Variants in CDH13 observed in about 807,000 individuals in gnomAD.
The protein encoded by CDH13 is cadherin-13.
Under a neutral mutation model 63.8 loss-of-function variants are expected in CDH13, and 24 were observed. That is an observed-to-expected ratio of 0.38 (90% CI 0.27 to 0.53). The LOEUF (loss-of-function observed/expected upper bound fraction) is 0.53, where lower values mean the gene tolerates loss of function less well. Among genes scored for constraint, CDH13 ranks in the 20% least tolerant of loss-of-function variants. The probability of loss-of-function intolerance (pLI) is 0.85; values close to 1 mark genes in which losing one functional copy is unlikely to be tolerated. For missense variants in CDH13, 1,049 were observed against 903.1 expected (o/e 1.16, Z -2.07); for synonymous variants, 503 against 355.3 (o/e 1.42, Z -4.67).
intron 6 of CDH13, among the ~76,000 whole-genome samples, chr16:83,445,528 C>G (rs1320279118): frequency 6.6e-6 from 1 of 152,130 alleles, no homozygotes; most frequent in Non-Finnish European, 1.5e-5. Flanking sequence ...GGACCGATAG[C>G]CTCCCACAGC....
intron 10 of CDH13, among the ~76,000 whole-genome samples, chr16:83,727,095 A>C (rs1157500633): frequency 6.6e-6 from 1 of 152,136 alleles, no homozygotes; most frequent in Non-Finnish European, 1.5e-5. Flanking sequence ...GTAGTCACAG[A>C]GTTGTGCAAC....
chr16:83,135,854 A>T (rs1005516601), intron 4 of CDH13, among the ~76,000 whole-genome samples: 1 of 152,230 alleles, frequency 6.6e-6, no homozygotes, highest in Non-Finnish European at 1.5e-5. Context: ...CAAAGGAATG[A>T]ATTAATGGCA....
At chr16:83,296,617 T>C (rs1480547267) in intron 5 of CDH13, among the ~76,000 whole-genome samples, 2 of 152,062 alleles carry the variant, frequency 1.3e-5, no homozygotes, top group East Asian at 3.8e-4. Flanking sequence ...AGTTAATTAG[T>C]ACAACACAAG....
chr16:83,520,877 C>G (rs1370620104), intron 7 of CDH13, among the ~76,000 whole-genome samples: 3 of 152,146 alleles, frequency 2.0e-5, no homozygotes, highest in African/African-American at 7.2e-5. Context: ...AAATCTTCAT[C>G]CAAGTTTTAT....
At chr16:82,633,479 A>C (rs1451391920) in intron 1 of CDH13, among the ~76,000 whole-genome samples, 1 of 152,194 alleles carries the variant, frequency 6.6e-6, no homozygotes, top group Non-Finnish European at 1.5e-5. Context: ...TCCAGGGTTT[A>C]AGCAATTCTG....
At chr16:83,237,912 T>G (rs967909943) in intron 5 of CDH13, among the ~76,000 whole-genome samples, 1 of 152,164 alleles carries the variant, frequency 6.6e-6, no homozygotes, top group African/African-American at 2.4e-5. Context: ...CAGTGGTGCT[T>G]TGAGAAAATG....
intron 5 of CDH13, among the ~76,000 whole-genome samples, chr16:83,335,025 C>G (rs2090563616): frequency 6.6e-6 from 1 of 152,160 alleles, no homozygotes; most frequent in South Asian, 2.1e-4. Context: ...CATTTCCTGT[C>G]TTATCACAAC....
At chr16:83,643,111 T>C (rs1911445544) in intron 8 of CDH13, among the ~76,000 whole-genome samples, 1 of 49,314 alleles carries the variant, frequency 2.0e-5, no homozygotes, top group Admixed American at 2.3e-4. Context: ...GGAAGGGGAA[T>C]ATCACACTCT....
At chr16:83,476,850 A>G (rs2073619506) in intron 6 of CDH13, among the ~76,000 whole-genome samples, 1 of 152,308 alleles carries the variant, frequency 6.6e-6, no homozygotes, top group Non-Finnish European at 1.5e-5. Flanking sequence ...CTTAAAATTG[A>G]TTTTTTGAAG....
chr16:83,040,161 A>G (rs1469010128), intron 3 of CDH13, among the ~76,000 whole-genome samples: 1 of 151,998 alleles, frequency 6.6e-6, no homozygotes, highest in Non-Finnish European at 1.5e-5. Context: ...CCTCTGCTCC[A>G]GGTTCCTCAG....
At chr16:83,156,965 G>A (rs1260983168) in intron 4 of CDH13, among the ~76,000 whole-genome samples, 2 of 152,094 alleles carry the variant, frequency 1.3e-5, no homozygotes, top group Non-Finnish European at 1.5e-5. Flanking sequence ...TCTAAAATTC[G>A]AACAAGGGTG....
chr16:83,497,353 C>T (rs1004984079), intron 7 of CDH13, among the ~76,000 whole-genome samples: 4 of 152,036 alleles, frequency 2.6e-5, no homozygotes, highest in Non-Finnish European at 4.4e-5. Context: ...GAGTTCATGT[C>T]GTTTGTAGGG....
chr16:82,916,509 G>T (rs773868852), intron 2 of CDH13, among the ~76,000 whole-genome samples: 3 of 152,118 alleles, frequency 2.0e-5, no homozygotes, highest in Admixed American at 6.5e-5. Flanking sequence ...GGGAGTTGGA[G>T]GTTGCAGTGA....
chr16:83,380,150 G>A (rs921279832), intron 6 of CDH13, among the ~76,000 whole-genome samples: 1 of 151,884 alleles, frequency 6.6e-6, no homozygotes, highest in Non-Finnish European at 1.5e-5. Context: ...TTGGTAAAAA[G>A]GTTGAAAGTC....
intron 6 of CDH13, among the ~76,000 whole-genome samples, chr16:83,353,783 CT>C (rs549904143): frequency 3.1e-4 from 47 of 152,296 alleles, no homozygotes; most frequent in Non-Finnish European, 5.3e-4. Context: ...CACATTAGAC[CT>C]TTGTATTCTG....
chr16:83,102,130 G>A (rs564389141), intron 3 of CDH13, among the ~76,000 whole-genome samples: 1 of 152,266 alleles, frequency 6.6e-6, no homozygotes, highest in South Asian at 2.1e-4. Flanking sequence ...CATGAGCCAA[G>A]GAATGCAGGC....
chr16:82,652,983 A>G (rs1910902244), intron 1 of CDH13, among the ~76,000 whole-genome samples: 1 of 152,194 alleles, frequency 6.6e-6, no homozygotes, highest in Non-Finnish European at 1.5e-5. Context: ...TCTTTGTAGA[A>G]GTTGGGGGTA....
chr16:83,114,596 A>G (rs2035212121), intron 3 of CDH13, among the ~76,000 whole-genome samples: 1 of 152,228 alleles, frequency 6.6e-6, no homozygotes, highest in Admixed American at 6.5e-5. Context: ...AATTCTATAC[A>G]GTAAATCTGC....
Position 82,650,262 on chromosome 16 carries a change from A to C in CDH13, c.45+23125A>C, listed in dbSNP as rs548109237. On this transcript the variant is annotated intron_variant, in intron 1 of 13. Transcript: ENST00000567109. ...TTTTCTCCTTTTTGAAAAAAGAGTT[A>C]ATAAACAGAGGCTGTTCAATAAAGC... Among the ~76,000 whole-genome samples, 10 of 152,336 alleles carry C rather than the reference A, an allele frequency of 6.6e-5. No homozygotes were observed. The East Asian group carries it at 1.9e-3, about 29-fold the overall frequency.
Sources: allele counts gnomAD v4.1 joint callset (sites outside exome capture counted in the v4.1 genomes callset), GRCh38; gene constraint gnomAD v4.1.1; transcripts MANE v1.5; gene names NCBI Gene and HGNC (gene_info 2026-07-23, HGNC 2026-07-21).